PPP1R3B: variants seen among roughly 807,000 people sequenced by gnomAD.
PPP1R3B encodes the protein protein phosphatase 1 regulatory subunit 3B, also known as PP1 subunit R4.
A neutral mutation model predicts 14.6 loss-of-function variants in PPP1R3B; 8 were observed. The ratio of observed to expected loss-of-function variants is 0.55; its 90% CI spans 0.32 to 0.99. The LOEUF (loss-of-function observed/expected upper bound fraction) is 0.99, where lower values mean the gene tolerates loss of function less well. PPP1R3B is among the 50% of genes least tolerant of loss of function. PPP1R3B has a pLI of 0.04. For missense variants in PPP1R3B, 452 were observed against 360.1 expected (o/e 1.26, Z -2.07); for synonymous variants, 169 against 142.0 (o/e 1.19, Z -1.35).
At position 9,141,589 on chromosome 8, in the gene PPP1R3B, C is replaced by T; in HGVS notation, c.63G>A (p.Arg21=). 1 of 1,614,062 alleles carries T rather than the reference C, an allele frequency of 6.2e-7. No homozygotes were observed. The highest frequency in any genetic ancestry group is 1.3e-5 in the African/African-American group (1 of 75,018). ...NCMAPSLRQE[R]FAFKISPKPS... ...GCTTTGGTGAGATCTTAAAGGCAAA[C>T]CTCTCTTGGCGCAAGGAAGGAGCCA... Residue 21 remains arginine, a synonymous_variant, in exon 2 of 2, where the codon AGG becomes AGA. Coordinates refer to ENST00000310455, the MANE Select transcript of PPP1R3B (RefSeq NM_024607.4).
intron 1 of PPP1R3B, among the ~76,000 whole-genome samples, chr8:9,146,430 G>A (rs1425905185): frequency 1.3e-5 from 2 of 152,024 alleles, no homozygotes; most frequent in African/African-American, 4.8e-5. Context: ...TAAAGAGCTG[G>A]GACCACTGGT....
rs330908 is a variant in PPP1R3B at position 9,137,656 on chromosome 8, A to G, written c.*3138T>C. 53,825 of 152,276 alleles carry G rather than the reference A, an allele frequency of 0.35. 10,430 individuals are homozygous for G. Among genetic ancestry groups the G allele is most frequent in the East Asian group, 0.76 (3,923 of 5,168 alleles). The allele number at this position is 152,276 out of a possible 1,614,324, so 9.4% of individuals were successfully genotyped here. A position where few individuals can be genotyped will look rare whatever the true frequency, so the allele number is the denominator to read the frequency against. ...TGCGGCAGGAGGGTAGCAGAGGAGC[A>G]AGTGGTAAACAGAAGACAGATAGAA... is the stretch of plus-strand genomic sequence containing the variant. On this transcript the variant is annotated 3_prime_UTR_variant, in exon 2 of 2. Coordinates refer to ENST00000310455, the MANE Select transcript of PPP1R3B (RefSeq NM_024607.4).
intron 1 of PPP1R3B, among the ~76,000 whole-genome samples, chr8:9,146,726 A>T (rs1801251714): frequency 1.3e-5 from 2 of 152,134 alleles, no homozygotes; most frequent in Admixed American, 1.3e-4. Context: ...ATCTAGTGAA[A>T]ATTTTAAGGG....
chr8:9,144,674 G>A (rs1801181587), intron 1 of PPP1R3B, among the ~76,000 whole-genome samples: 1 of 152,100 alleles, frequency 6.6e-6, no homozygotes, highest in African/African-American at 2.4e-5. Flanking sequence ...AATAACCTAG[G>A]TGACCATTAA....
chr8:9,150,385 T>C (rs1801385080), intron 1 of PPP1R3B, among the ~76,000 whole-genome samples, 178 bp downstream of exon 1: 1 of 152,242 alleles, frequency 6.6e-6, no homozygotes, highest in Non-Finnish European at 1.5e-5. Flanking sequence ...TTGCAGCTAC[T>C]GTGCCTTCCA....
chr8:9,141,929 T>C (rs1413935073), intron 1 of PPP1R3B: 1 of 336,158 alleles, frequency 3.0e-6, no homozygotes, highest in Admixed American at 4.2e-5. Context: ...TGAAACCCAC[T>C]AGTTTTAAAA....
At chr8:9,144,359 T>A (rs1236156149) in intron 1 of PPP1R3B, among the ~76,000 whole-genome samples, 2 of 150,972 alleles carry the variant, frequency 1.3e-5, no homozygotes, top group Non-Finnish European at 2.9e-5. Context: ...GGCTAATTTT[T>A]AAAAAATATT....
At chr8:9,143,619 T>C (rs1801154053) in intron 1 of PPP1R3B, among the ~76,000 whole-genome samples, 1 of 152,154 alleles carries the variant, frequency 6.6e-6, no homozygotes, top group African/African-American at 2.4e-5. Flanking sequence ...GCAGAATTGC[T>C]TGAACCTGGG....
intron 1 of PPP1R3B, among the ~76,000 whole-genome samples, chr8:9,149,141 C>CG: frequency 8.0e-6 from 1 of 125,404 alleles, no homozygotes; most frequent in Non-Finnish European, 1.6e-5. Flanking sequence ...TGCAGTGAGC[C>CG]GAGATGGCGC....
At position 9,137,933 on chromosome 8, in the gene PPP1R3B, GAT is replaced by G. The variant is rs1378515963; in HGVS notation, c.*2859_*2860del. 1 of 152,156 alleles carries G rather than the reference GAT, an allele frequency of 6.6e-6. No individual in the cohort carries two copies. The highest frequency in any genetic ancestry group is 1.5e-5 in the Non-Finnish European group (1 of 68,032). The allele number at this position is 152,156 out of a possible 1,614,324, so 9.4% of individuals were successfully genotyped here. A position where few individuals can be genotyped will look rare whatever the true frequency, so the allele number is the denominator to read the frequency against. ...GAGGGTTTACGGCTGCTTTAGAAGA[GAT>G]AGTTATCACTGAATTACCATATTTC... is the stretch of plus-strand genomic sequence containing the variant. On this transcript the variant is annotated 3_prime_UTR_variant, in exon 2 of 2. Transcript: ENST00000310455.
intron 1 of PPP1R3B, among the ~76,000 whole-genome samples, chr8:9,149,054 GTGGCGGCGGGCGCCTGTAGTCCCA>G (rs1228729280): frequency 6.6e-6 from 1 of 150,568 alleles, no homozygotes; most frequent in Non-Finnish European, 1.5e-5. Flanking sequence ...TTAGCCGGGC[GTGGCGGCGGGCGCCTGTAGTCCCA>G]GCTACTCAGG....
rs330914 is a variant in PPP1R3B at position 9,139,185 on chromosome 8, A to G, written c.*1609T>C. The stretch of plus-strand genomic sequence containing the variant: ...TGCCCGCCTTGGCTTCCCAAAGTGC[A>G]GGGATTACAGGCATAAGCCACCACA... On this transcript the variant is annotated 3_prime_UTR_variant, in exon 2 of 2. Transcript: ENST00000310455. 47,503 of 152,190 alleles carry G rather than the reference A, an allele frequency of 0.31. 8,761 individuals carry two copies. The highest frequency in any genetic ancestry group is 0.83 in the East Asian group (4,271 of 5,166). The allele number at this position is 152,190 out of a possible 1,614,324, so 9.4% of individuals were successfully genotyped here. A position where few individuals can be genotyped will look rare whatever the true frequency, so the allele number is the denominator to read the frequency against.
rs2117583698 is a variant in PPP1R3B, at chr8:9,136,311, A to G, written c.*4483T>C. 1 of 152,354 alleles carries G rather than the reference A, an allele frequency of 6.6e-6. No individual in the cohort carries two copies. Among genetic ancestry groups the G allele is most frequent in the African/African-American group, 2.4e-5 (1 of 41,580 alleles). The allele number at this position is 152,354 out of a possible 1,614,324, so 9.4% of individuals were successfully genotyped here. A position where few individuals can be genotyped will look rare whatever the true frequency, so the allele number is the denominator to read the frequency against. On this transcript the variant is annotated 3_prime_UTR_variant, in exon 2 of 2. Coordinates refer to ENST00000310455, the MANE Select transcript of PPP1R3B (RefSeq NM_024607.4). ...CTTTTGAGATACAAACCAACCTCTCATACCACACAAAGAACATCCATTCTT... is the reference window on the plus strand; with the variant it reads ...CTTTTGAGATACAAACCAACCTCTCGTACCACACAAAGAACATCCATTCTT...
chr8:9,145,024 G>C (rs1801194826), intron 1 of PPP1R3B, among the ~76,000 whole-genome samples: 1 of 152,112 alleles, frequency 6.6e-6, no homozygotes, highest in South Asian at 2.1e-4. Flanking sequence ...GGGATTGCAG[G>C]CGGGGAGCCA....
chr8:9,142,427 T>C lies in PPP1R3B; in HGVS notation c.-17-759A>G, dbSNP rs149235603. The stretch of plus-strand genomic sequence containing the variant: ...ATTGAGAAGTAAAAATTGTATATTC[T>C]TATGGTGTACAACAGGTTTCCATAT... On this transcript the variant is annotated intron_variant, in intron 1 of 1. Coordinates refer to ENST00000310455, the MANE Select transcript of PPP1R3B (RefSeq NM_024607.4). 8.5e-5 allele frequency: 13 copies of C among 152,336 alleles called. No individual in the cohort carries two copies. In the East Asian group the frequency reaches 1.5e-3, roughly 18 times the overall value. 9.4% of individuals were successfully genotyped at this position (152,336 alleles called of 1,614,324 possible).
At chr8:9,149,068 C>CT (rs1365914899) in intron 1 of PPP1R3B, among the ~76,000 whole-genome samples, 2 of 149,896 alleles carry the variant, frequency 1.3e-5, no homozygotes, top group African/African-American at 4.9e-5. Flanking sequence ...CGGCGGGCGC[C>CT]TGTAGTCCCA....
At chr8:9,147,289 C>G (rs990860735) in intron 1 of PPP1R3B, among the ~76,000 whole-genome samples, 7 of 152,180 alleles carry the variant, frequency 4.6e-5, no homozygotes, top group Admixed American at 3.9e-4. Context: ...GCATGAGCCA[C>G]CGTGCCCAGC....
Position 9,149,658 on chromosome 8 carries a change from T to C in PPP1R3B, c.-18+905A>G, listed in dbSNP as rs1329672434. Among the ~76,000 whole-genome samples, 3 of 152,214 alleles carry C rather than the reference T, an allele frequency of 2.0e-5. No homozygotes were observed. In the East Asian group the frequency reaches 5.8e-4, roughly 29 times the overall value. On this transcript the variant is annotated intron_variant, in intron 1 of 1. Transcript: ENST00000310455. Reference sequence around the variant, plus strand: ...ATGGCCATCTACCTCCCTCCAACAATTCTGTGTTCCCTTCCAAAAGGTTTC... The same window carrying C: ...ATGGCCATCTACCTCCCTCCAACAACTCTGTGTTCCCTTCCAAAAGGTTTC...
intron 1 of PPP1R3B, among the ~76,000 whole-genome samples, chr8:9,148,120 C>T (rs1801295984): frequency 6.6e-6 from 1 of 152,230 alleles, no homozygotes; most frequent in African/African-American, 2.4e-5. Flanking sequence ...TCCTGAACTG[C>T]TCAGGAACTC....
Sources: allele counts gnomAD v4.1 joint callset (sites outside exome capture counted in the v4.1 genomes callset), GRCh38; gene constraint gnomAD v4.1.1; transcripts MANE v1.5; gene names NCBI Gene and HGNC (gene_info 2026-07-23, HGNC 2026-07-21).